RBFOX1: variants seen among roughly 807,000 people sequenced by gnomAD.
RBFOX1 encodes RNA binding protein fox-1 homolog 1.
A neutral mutation model predicts 57.7 loss-of-function variants in RBFOX1; 8 were observed. The ratio of observed to expected loss-of-function variants is 0.14; its 90% CI spans 0.08 to 0.25. The LOEUF (loss-of-function observed/expected upper bound fraction) is 0.25, where lower values mean the gene tolerates loss of function less well. RBFOX1 is among the 10% of genes least tolerant of loss of function. The pLI is 1.00. For missense variants in RBFOX1, 611 were observed against 548.5 expected, an observed-to-expected ratio of 1.11 and a Z score of -1.14; for synonymous variants, 326 against 222.4, an observed-to-expected ratio of 1.47 and a Z score of -4.15.
At chr16:5,807,031 G>C (rs1242850379) in intron 3 of RBFOX1, among the ~76,000 whole-genome samples, 1 of 152,158 alleles carries the variant, frequency 6.6e-6, no homozygotes, top group African/African-American at 2.4e-5. Flanking sequence ...ACCTCCTCCA[G>C]CAGGCACCAG....
chr16:5,481,101 G>A (rs1183003792), intron 2 of RBFOX1, among the ~76,000 whole-genome samples: 1 of 152,196 alleles, frequency 6.6e-6, no homozygotes, highest in African/African-American at 2.4e-5. Flanking sequence ...GGAAGTGAAG[G>A]AGTTAGTTTG....
chr16:6,156,138 T>C (rs2152734379), intron 1 of RBFOX1, among the ~76,000 whole-genome samples: 1 of 152,274 alleles, frequency 6.6e-6, no homozygotes, highest in African/African-American at 2.4e-5. Flanking sequence ...TCCATCCAAT[T>C]TTCTAAAACA....
intron 2 of RBFOX1, among the ~76,000 whole-genome samples, chr16:6,438,272 A>G (rs1295708822): frequency 6.6e-6 from 1 of 152,206 alleles, no homozygotes; most frequent in Non-Finnish European, 1.5e-5. Flanking sequence ...ACTAAATTGT[A>G]TCCTGAGAGA....
At chr16:7,547,795 C>A (rs1393724222) in intron 5 of RBFOX1, among the ~76,000 whole-genome samples, 1 of 152,322 alleles carries the variant, frequency 6.6e-6, no homozygotes, top group Admixed American at 6.5e-5. Flanking sequence ...GATGGGCTAG[C>A]ATGAAGGTGA....
chr16:7,487,151 C>T (rs529093805), intron 4 of RBFOX1, among the ~76,000 whole-genome samples: 6 of 152,252 alleles, frequency 3.9e-5, no homozygotes, highest in South Asian at 2.1e-4. Flanking sequence ...TTACCCGCCT[C>T]GGCCTCCAAA....
At chr16:7,213,300 A>G (rs1367571595) in intron 4 of RBFOX1, among the ~76,000 whole-genome samples, 1 of 152,174 alleles carries the variant, frequency 6.6e-6, no homozygotes, top group Non-Finnish European at 1.5e-5. Flanking sequence ...GGTTGCCTTA[A>G]AAAATCACGT....
At chr16:6,797,856 C>T (rs1056760006) in intron 3 of RBFOX1, among the ~76,000 whole-genome samples, 3 of 152,140 alleles carry the variant, frequency 2.0e-5, no homozygotes, top group Non-Finnish European at 4.4e-5. Context: ...ACTTGAGTTG[C>T]TATCCCATTT....
chr16:7,704,668 A>C (rs1216403783), intron 14 of RBFOX1, among the ~76,000 whole-genome samples: 1 of 152,194 alleles, frequency 6.6e-6, no homozygotes, highest in African/African-American at 2.4e-5. Flanking sequence ...GGTGAAAGGT[A>C]AATGATCAGG....
chr16:6,152,811 A>C (rs1195761135), intron 1 of RBFOX1, among the ~76,000 whole-genome samples: 1 of 152,156 alleles, frequency 6.6e-6, no homozygotes, highest in African/African-American at 2.4e-5. Flanking sequence ...TGTCTAAAAA[A>C]ATGCCCTCTT....
At chr16:5,479,637 T>C in intron 2 of RBFOX1, among the ~76,000 whole-genome samples, 1 of 151,970 alleles carries the variant, frequency 6.6e-6, no homozygotes, top group Non-Finnish European at 1.5e-5. Flanking sequence ...TGCACGCCTG[T>C]CATCGCAGCT....
At chr16:6,696,436 C>A (rs998108481) in intron 3 of RBFOX1, among the ~76,000 whole-genome samples, 1 of 152,032 alleles carries the variant, frequency 6.6e-6, no homozygotes, top group African/African-American at 2.4e-5. Flanking sequence ...TTTTTCATCC[C>A]CTCTGAAATA....
intron 1 of RBFOX1, among the ~76,000 whole-genome samples, chr16:6,269,064 C>T (rs776816149): frequency 2.6e-4 from 39 of 152,148 alleles, no homozygotes; most frequent in Non-Finnish European, 3.8e-4. Context: ...CTTTACATTA[C>T]TTATAATACC....
At chr16:7,022,515 T>G (rs559936365) in intron 3 of RBFOX1, among the ~76,000 whole-genome samples, 2 of 152,250 alleles carry the variant, frequency 1.3e-5, no homozygotes, top group African/African-American at 2.4e-5. Context: ...TACTCCAGAT[T>G]CCCTGTGAGG....
intron 3 of RBFOX1, among the ~76,000 whole-genome samples, chr16:6,697,549 A>G (rs1238300423): frequency 6.6e-6 from 1 of 152,200 alleles, no homozygotes; most frequent in Non-Finnish European, 1.5e-5. Context: ...CACATGGTCC[A>G]TTCTCACTGG....
At chr16:6,104,797 C>T (rs2096358410) in intron 1 of RBFOX1, among the ~76,000 whole-genome samples, 1 of 152,276 alleles carries the variant, frequency 6.6e-6, no homozygotes, top group Non-Finnish European at 1.5e-5. Context: ...CCTCGGAAAA[C>T]ATTATGCACA....
intron 4 of RBFOX1, among the ~76,000 whole-genome samples, chr16:7,375,283 C>A (rs2097664264): frequency 6.6e-6 from 1 of 152,156 alleles, no homozygotes; most frequent in African/African-American, 2.4e-5. Flanking sequence ...GATTCCAAAA[C>A]TACTTCTATG....
At chr16:6,624,565 CT>C (rs1159152490) in intron 2 of RBFOX1, among the ~76,000 whole-genome samples, 1 of 152,108 alleles carries the variant, frequency 6.6e-6, no homozygotes, top group East Asian at 1.9e-4. Flanking sequence ...GTGAGGACGT[CT>C]TTCCTTCACA....
intron 4 of RBFOX1, among the ~76,000 whole-genome samples, chr16:7,280,551 A>T (rs916512761): frequency 2.6e-5 from 4 of 152,140 alleles, no homozygotes; most frequent in African/African-American, 9.7e-5. Context: ...GATAAAGACC[A>T]CTAGGGCTGT....
intron 4 of RBFOX1, among the ~76,000 whole-genome samples, chr16:7,236,997 G>C (rs1256577867): frequency 6.6e-6 from 1 of 152,210 alleles, no homozygotes; most frequent in African/African-American, 2.4e-5. Flanking sequence ...GAAGAGGCAA[G>C]CCGTTCTTTC....
Sources: gnomAD v4.1 joint callset for allele counts (sites outside exome capture counted in the v4.1 genomes callset) on GRCh38, gnomAD v4.1.1 for gene constraint, MANE v1.5 for transcripts, NCBI Gene and HGNC (gene_info 2026-07-23, HGNC 2026-07-21) for gene names.